The following ADGRB3 variants were observed in gnomAD, a reference collection of about 807,000 sequenced individuals.
ADGRB3 encodes brain-specific angiogenesis inhibitor 3.
Under a neutral mutation model 193.4 loss-of-function variants are expected in ADGRB3, and 37 were observed. The ratio of observed to expected loss-of-function variants is 0.19; its 90% confidence interval spans 0.15 to 0.25. ADGRB3 has a LOEUF of 0.25. Ranked by LOEUF, ADGRB3 falls within the 10% of genes least tolerant of loss-of-function variation. ADGRB3 has a pLI of 1.00. For synonymous variants in ADGRB3, 690 were observed against 644.2 expected (o/e 1.07, Z -1.08); for missense variants, 1,637 against 1,852.9 (o/e 0.88, Z 2.14).
At chr6:69,326,313 A>G (rs1483767032) in intron 21 of ADGRB3, among the ~76,000 whole-genome samples, 1 of 152,030 alleles carries the variant, frequency 6.6e-6, no homozygotes, top group African/African-American at 2.4e-5. Flanking sequence ...ATTTCCTGAC[A>G]AAGGCCTTCT....
At chr6:69,198,044 A>G (rs1035886694) in intron 17 of ADGRB3, among the ~76,000 whole-genome samples, 1 of 152,076 alleles carries the variant, frequency 6.6e-6, no homozygotes, top group Non-Finnish European at 1.5e-5. Flanking sequence ...TAATCAGGGT[A>G]AGTAAGAATA....
At chr6:68,764,690 C>CT (rs1051326015) in intron 3 of ADGRB3, among the ~76,000 whole-genome samples, 2 of 152,036 alleles carry the variant, frequency 1.3e-5, no homozygotes, top group Admixed American at 6.6e-5. Context: ...AAATTATATT[C>CT]TTTTTTATTT....
intron 3 of ADGRB3, among the ~76,000 whole-genome samples, chr6:68,795,020 T>G (rs1449107506): frequency 6.6e-6 from 1 of 152,108 alleles, no homozygotes; most frequent in Non-Finnish European, 1.5e-5. Context: ...TTGCCAATTT[T>G]GAGATGATCT....
chr6:68,865,884 T>C (rs1765282437), intron 3 of ADGRB3, among the ~76,000 whole-genome samples: 2 of 152,102 alleles, frequency 1.3e-5, no homozygotes, highest in African/African-American at 4.8e-5. Flanking sequence ...CTTCCTCCTT[T>C]CCACCATGGC....
intron 17 of ADGRB3, among the ~76,000 whole-genome samples, chr6:69,200,762 C>T (rs967222913): frequency 6.6e-6 from 1 of 151,994 alleles, no homozygotes; most frequent in East Asian, 1.9e-4. Flanking sequence ...GAAATCTACA[C>T]GCAAGAAGCT....
At chr6:68,839,364 T>A (rs1226178830) in intron 3 of ADGRB3, among the ~76,000 whole-genome samples, 1 of 152,204 alleles carries the variant, frequency 6.6e-6, no homozygotes, top group African/African-American at 2.4e-5. Flanking sequence ...ACATAGCTTC[T>A]CATATGGTGA....
intron 17 of ADGRB3, among the ~76,000 whole-genome samples, chr6:69,113,338 C>G (rs1407441019): frequency 6.6e-6 from 1 of 151,312 alleles, no homozygotes; most frequent in Non-Finnish European, 1.5e-5. Flanking sequence ...ATGTATCACA[C>G]ATATTTATAT....
intron 29 of ADGRB3, among the ~76,000 whole-genome samples, chr6:69,367,371 T>C (rs1769594835): frequency 1.3e-5 from 2 of 152,130 alleles, no homozygotes; most frequent in Non-Finnish European, 2.9e-5. Context: ...TCTTTGGGTA[T>C]ATATCCGGTA....
intron 3 of ADGRB3, among the ~76,000 whole-genome samples, chr6:68,808,264 C>T (rs1004341839): frequency 2.0e-5 from 3 of 152,022 alleles, no homozygotes; most frequent in Non-Finnish European, 2.9e-5. Context: ...GTAATATCAT[C>T]ATCATGTTTT....
At chr6:68,727,859 C>A (rs1433855917) in intron 3 of ADGRB3, among the ~76,000 whole-genome samples, 1 of 151,480 alleles carries the variant, frequency 6.6e-6, no homozygotes, top group African/African-American at 2.4e-5. Flanking sequence ...GTGATATAAT[C>A]GTTCTCATCC....
chr6:69,001,592 G>C (rs1769579145), intron 11 of ADGRB3, among the ~76,000 whole-genome samples: 1 of 152,082 alleles, frequency 6.6e-6, no homozygotes, highest in African/African-American at 2.4e-5. Context: ...AGTGACAGTG[G>C]GTCAGAAAAG....
At chr6:68,783,053 C>A (rs2127362045) in intron 3 of ADGRB3, among the ~76,000 whole-genome samples, 1 of 145,736 alleles carries the variant, frequency 6.9e-6, no homozygotes, top group African/African-American at 2.5e-5. Context: ...GATTTACTAC[C>A]AGCTAATATT....
chr6:69,292,858 A>C (rs940543943), intron 20 of ADGRB3, among the ~76,000 whole-genome samples: 9 of 151,492 alleles, frequency 5.9e-5, no homozygotes, highest in South Asian at 2.1e-4. Context: ...TCCCAATGCC[A>C]TCCCTCCCCC....
At chr6:68,866,284 A>T (rs1199336745) in intron 3 of ADGRB3, among the ~76,000 whole-genome samples, 1 of 152,042 alleles carries the variant, frequency 6.6e-6, no homozygotes, top group East Asian at 1.9e-4. Context: ...TCTCAATGAG[A>T]TATGATGGTT....
chr6:69,232,353 C>G, intron 17 of ADGRB3: 1 of 1,320,346 alleles, frequency 7.6e-7, no homozygotes, highest in Non-Finnish European at 9.8e-7. Context: ...CCACCACGAA[C>G]AAGACGTAGG....
At chr6:69,224,234 T>C (rs546117802) in intron 17 of ADGRB3, among the ~76,000 whole-genome samples, 1 of 152,272 alleles carries the variant, frequency 6.6e-6, no homozygotes, top group East Asian at 1.9e-4. Context: ...GATATTAAAT[T>C]GGTGAGATCT....
chr6:68,982,937 CAGA>C (rs141736098), intron 10 of ADGRB3, among the ~76,000 whole-genome samples: 6,416 of 152,226 alleles, frequency 0.042, 207 homozygotes, highest in Non-Finnish European at 0.063. Flanking sequence ...TGGCTTACCT[CAGA>C]AAAGATCTCT....
intron 3 of ADGRB3, among the ~76,000 whole-genome samples, chr6:68,928,896 T>C (rs1767257452): frequency 6.6e-6 from 1 of 152,142 alleles, no homozygotes; most frequent in Non-Finnish European, 1.5e-5. Context: ...ACTACTAAAT[T>C]CCGGTGCTAT....
chr6:69,022,500 T>C (rs1770298028), intron 13 of ADGRB3, among the ~76,000 whole-genome samples: 1 of 151,922 alleles, frequency 6.6e-6, no homozygotes, highest in African/African-American at 2.4e-5. Context: ...TTAAGGACCT[T>C]GCAATCCTAT....
Sources: gnomAD v4.1 joint callset for allele counts (sites outside exome capture counted in the v4.1 genomes callset) on GRCh38, gnomAD v4.1.1 for gene constraint, MANE v1.5 for transcripts, NCBI Gene and HGNC (gene_info 2026-07-23, HGNC 2026-07-21) for gene names.